CEACAM20: variants seen among roughly 807,000 people sequenced by gnomAD.
The protein encoded by CEACAM20 is cell adhesion molecule CEACAM20.
A neutral mutation model predicts 61.2 loss-of-function variants in CEACAM20; 50 were observed. The observed-to-expected ratio is 0.82, with a 90% CI of 0.65 to 1.03. CEACAM20 has a LOEUF of 1.03. Ranked by LOEUF, CEACAM20 falls within the 50% of genes least tolerant of loss-of-function variation. CEACAM20 has a pLI of 0.00. For missense variants in CEACAM20, 683 were observed against 736.4 expected, an observed-to-expected ratio of 0.93 and a Z score of 0.84; for synonymous variants, 282 against 287.7, an observed-to-expected ratio of 0.98 and a Z score of 0.20.
intron 11 of CEACAM20, among the ~76,000 whole-genome samples, chr19:44,507,850 C>T (rs1970863243): frequency 6.6e-6 from 1 of 152,174 alleles, no homozygotes; most frequent in Non-Finnish European, 1.5e-5. Context: ...TGGCCATGAT[C>T]GCACTACTGC....
At chr19:44,528,915 C>A (rs1971620884) in intron 1 of CEACAM20, among the ~76,000 whole-genome samples, 1 of 144,988 alleles carries the variant, frequency 6.9e-6, no homozygotes, top group Non-Finnish European at 1.5e-5. Flanking sequence ...CCTTCTATCT[C>A]TTTTGTATCT....
chr19:44,528,333 A>G (rs974556848), intron 1 of CEACAM20, among the ~76,000 whole-genome samples: 3 of 151,622 alleles, frequency 2.0e-5, no homozygotes, highest in African/African-American at 7.3e-5. Context: ...GGTTCAAGCA[A>G]TTATCTGCCT....
chr19:44,514,116 C>T (rs376731679), intron 6 of CEACAM20, among the ~76,000 whole-genome samples: 44 of 152,276 alleles, frequency 2.9e-4, no homozygotes, highest in African/African-American at 7.5e-4. Flanking sequence ...TGACTCACTG[C>T]GGCCATGTGA....
chr19:44,514,819 A>T (rs1470773778), intron 6 of CEACAM20, among the ~76,000 whole-genome samples: 1 of 141,978 alleles, frequency 7.0e-6, no homozygotes, highest in Non-Finnish European at 1.5e-5. Context: ...TAGACTTTTT[A>T]AAATTTTTTT....
intron 11 of CEACAM20, among the ~76,000 whole-genome samples, chr19:44,508,514 C>A (rs1232211214): frequency 6.6e-6 from 1 of 152,168 alleles, no homozygotes; most frequent in Non-Finnish European, 1.5e-5. Context: ...CTCAGCCTCC[C>A]AAGTAGCTGG....
intron 9 of CEACAM20, 139 bp downstream of exon 9, chr19:44,511,878 A>C: frequency 2.2e-6 from 2 of 902,096 alleles, no homozygotes; most frequent in Non-Finnish European, 3.5e-6. Flanking sequence ...TCCTCAGAGA[A>C]GTCAGAGGAG....
chr19:44,521,112 G>A (rs1203270073), intron 4 of CEACAM20, among the ~76,000 whole-genome samples: 2 of 151,990 alleles, frequency 1.3e-5, no homozygotes, highest in Admixed American at 1.3e-4. Context: ...GTATATATTT[G>A]TTGTATATGA....
chr19:44,514,140 A>C (rs1971088089), intron 6 of CEACAM20, among the ~76,000 whole-genome samples: 1 of 152,192 alleles, frequency 6.6e-6, no homozygotes, highest in Non-Finnish European at 1.5e-5. Flanking sequence ...TGGACAAGTG[A>C]ATTCATTTCT....
intron 11 of CEACAM20, among the ~76,000 whole-genome samples, chr19:44,506,916 T>A (rs1450588502): frequency 6.6e-6 from 1 of 152,226 alleles, no homozygotes; most frequent in Non-Finnish European, 1.5e-5. Flanking sequence ...TCTGTGGTAA[T>A]TCATTATACA....
chr19:44,528,248 T>C lies in CEACAM20; in HGVS notation c.52+1210A>G, dbSNP rs117878630. ...CTTTCTTTCTTCTTTTTCTTTTTTT[T>C]GACAGAGTCTTACTCTGTCACACAG... is the stretch of plus-strand genomic sequence containing the variant. On this transcript the variant is annotated intron_variant, in intron 1 of 11. Coordinates refer to ENST00000614924, the MANE Select transcript of CEACAM20 (RefSeq NM_001102597.3). Among the ~76,000 whole-genome samples, 265 of 151,664 alleles carry C rather than the reference T, an allele frequency of 1.7e-3. 5 individuals carry two copies. The East Asian group carries it at 0.046, about 27-fold the overall frequency.
chr19:44,520,830 T>C, intron 4 of CEACAM20, 78 bp from the exon 5 acceptor site: 1 of 1,434,136 alleles, frequency 7.0e-7, no homozygotes, highest in South Asian at 1.3e-5. Flanking sequence ...CCACAAGTTT[T>C]TCCAGGAGTG....
At chr19:44,508,547 G>A (rs1390523723) in intron 11 of CEACAM20, among the ~76,000 whole-genome samples, 1 of 152,052 alleles carries the variant, frequency 6.6e-6, no homozygotes, top group African/African-American at 2.4e-5. Context: ...CTGCCACCAT[G>A]CCCAGCTAAT....
intron 11 of CEACAM20, among the ~76,000 whole-genome samples, chr19:44,508,755 T>C (rs1487915613): frequency 2.0e-5 from 3 of 152,202 alleles, no homozygotes; most frequent in Non-Finnish European, 4.4e-5. Flanking sequence ...CCAGGAAGCT[T>C]AGAGACACAT....
chr19:44,510,617 AGGAAGGAAGAAAGAAAG>A (rs1599664216), intron 11 of CEACAM20, among the ~76,000 whole-genome samples: 4 of 90,170 alleles, frequency 4.4e-5, no homozygotes, highest in South Asian at 4.2e-4. Flanking sequence ...AGAAAAAGGA[AGGAAGGAAGAAAGAAAG>A]AGAAGAAAGA....
Position 44,513,168 on chromosome 19 carries a change from T to A in CEACAM20, c.1427+4A>T. On this transcript the variant is annotated splice_donor_region_variant and intron_variant, in intron 7 of 11. Transcript: ENST00000614924. The stretch of plus-strand genomic sequence containing the variant: ...CCATCCCCCTCCCTGTATCCCTGTG[T>A]TACCGTCTGGCATTTCTGATGCAGA... 6.2e-7 allele frequency: 1 copy of A among 1,605,530 alleles called. No homozygotes were observed. Among genetic ancestry groups the A allele is most frequent in the Non-Finnish European group, 8.5e-7 (1 of 1,172,632 alleles).
intron 1 of CEACAM20, among the ~76,000 whole-genome samples, chr19:44,526,448 T>C (rs1971531229): frequency 6.6e-6 from 1 of 151,742 alleles, no homozygotes; most frequent in African/African-American, 2.4e-5. Flanking sequence ...GAGGCTGCAG[T>C]GAGCTATGAT....
intron 8 of CEACAM20, among the ~76,000 whole-genome samples, chr19:44,512,530 A>AT (rs1971032527): frequency 6.6e-6 from 1 of 152,186 alleles, no homozygotes; most frequent in South Asian, 2.1e-4. Context: ...CTCTACTGAG[A>AT]TATGTTATGA....
At chr19:44,521,091 A>T (rs113602597) in intron 4 of CEACAM20, among the ~76,000 whole-genome samples, 7 of 141,532 alleles carry the variant, frequency 4.9e-5, no homozygotes, top group Admixed American at 4.2e-4. Context: ...GTATGTGAGT[A>T]TATGCTATGT....
In CEACAM20 at chr19:44,522,620, G is replaced by A. The variant is rs747991536; in HGVS notation, c.751+14C>T. 1.2e-6 allele frequency: 2 copies of A among 1,608,768 alleles called. No individual in the cohort carries two copies. The highest frequency in any genetic ancestry group is 1.1e-5 in the South Asian group (1 of 90,450). ...CAGAAGAATGAAGGAGAGGAACCGG[G>A]AAAGGAGACTCACCAAGTACTCGGA... On this transcript the variant is annotated intron_variant, in intron 4 of 11. Transcript: ENST00000614924.
Sources: gnomAD v4.1 joint callset for allele counts (sites outside exome capture counted in the v4.1 genomes callset) on GRCh38, gnomAD v4.1.1 for gene constraint, MANE v1.5 for transcripts, NCBI Gene and HGNC (gene_info 2026-07-23, HGNC 2026-07-21) for gene names.